The following CACNA2D3 variants were observed in gnomAD, a reference collection of about 807,000 sequenced individuals.
CACNA2D3 encodes the protein voltage-dependent calcium channel subunit alpha-2/delta-3.
CACNA2D3 carries 60 observed loss-of-function variants against 160.6 expected under a neutral mutation model. That is an observed-to-expected ratio of 0.37 (90% confidence interval 0.30 to 0.46). The LOEUF (loss-of-function observed/expected upper bound fraction) is 0.46, where lower values mean the gene tolerates loss of function less well. Ranked by LOEUF, CACNA2D3 falls within the 20% of genes least tolerant of loss-of-function variation. The pLI, the probability that CACNA2D3 is intolerant of heterozygous loss-of-function variation, is 1.00. For synonymous variants in CACNA2D3, 558 were observed against 492.9 expected (o/e 1.13, Z -1.75); for missense variants, 1,205 against 1,365.0 (o/e 0.88, Z 1.85).
intron 6 of CACNA2D3, among the ~76,000 whole-genome samples, chr3:54,565,861 C>A (rs73841660): frequency 0.14 from 20,876 of 152,136 alleles, 1,576 homozygotes; most frequent in South Asian, 0.26. Context: ...GGAACTCTAC[C>A]CTGAAATCCT....
intron 5 of CACNA2D3, among the ~76,000 whole-genome samples, chr3:54,539,773 G>T (rs982414322): frequency 1.3e-4 from 20 of 152,284 alleles, no homozygotes; most frequent in African/African-American, 4.3e-4. Flanking sequence ...CTTGATTAAA[G>T]AAATTTCTGA....
Position 54,492,114 on chromosome 3 carries a change from G to A in CACNA2D3, c.382-11378G>A, listed in dbSNP as rs190715608. On this transcript the variant is annotated intron_variant, in intron 4 of 37. Transcript: ENST00000474759. ...GCCAGAGCTGCTGGATTCTACAGGG[G>A]CAGAGGGCTGGGCTGGAGCAATGGA... Among the ~76,000 whole-genome samples the A allele has an allele frequency of 3.9e-5, 6 of 152,292 alleles. No homozygotes were observed. The East Asian group carries it at 7.7e-4, about 20-fold the overall frequency.
chr3:54,678,149 T>A (rs1489249601), intron 11 of CACNA2D3, among the ~76,000 whole-genome samples: 2 of 152,176 alleles, frequency 1.3e-5, no homozygotes, highest in East Asian at 3.9e-4. Context: ...GGAGGGAATA[T>A]CTAGGCAGTA....
intron 12 of CACNA2D3, among the ~76,000 whole-genome samples, chr3:54,760,050 C>T (rs1331077888): frequency 1.3e-5 from 2 of 152,170 alleles, no homozygotes; most frequent in African/African-American, 4.8e-5. Flanking sequence ...GCATACCTTC[C>T]CTCCCTGTTC....
At chr3:54,124,659 A>G (rs536238837) in intron 2 of CACNA2D3, among the ~76,000 whole-genome samples, 13 of 152,338 alleles carry the variant, frequency 8.5e-5, no homozygotes, top group Admixed American at 8.5e-4. Flanking sequence ...GGGACAGTAT[A>G]TGAAACAGTT....
intron 27 of CACNA2D3, among the ~76,000 whole-genome samples, chr3:54,947,146 T>C (rs1442403716): frequency 6.6e-6 from 1 of 152,154 alleles, no homozygotes; most frequent in Admixed American, 6.6e-5. Flanking sequence ...CTTGATCCAG[T>C]TTTCATCATC....
At chr3:54,285,215 C>A (rs543282426) in intron 2 of CACNA2D3, among the ~76,000 whole-genome samples, 1 of 152,132 alleles carries the variant, frequency 6.6e-6, no homozygotes, top group South Asian at 2.1e-4. Flanking sequence ...CCTGGAAAAT[C>A]GGGTCACTCC....
At chr3:54,325,185 T>C (rs1407382115) in intron 3 of CACNA2D3, among the ~76,000 whole-genome samples, 1 of 152,040 alleles carries the variant, frequency 6.6e-6, no homozygotes, top group Non-Finnish European at 1.5e-5. Flanking sequence ...AAATGTGCAG[T>C]GGGAAGAGAA....
intron 11 of CACNA2D3, among the ~76,000 whole-genome samples, chr3:54,721,283 A>T (rs1701164545): frequency 1.3e-5 from 2 of 152,076 alleles, no homozygotes; most frequent in Non-Finnish European, 2.9e-5. Flanking sequence ...AATTAGAGTG[A>T]CTCATATGGA....
chr3:54,629,277 G>GT (rs1234183294), intron 10 of CACNA2D3, among the ~76,000 whole-genome samples: 1 of 151,906 alleles, frequency 6.6e-6, no homozygotes, highest in Non-Finnish European at 1.5e-5. Context: ...GCCCAGGCAG[G>GT]TGAGTCATTC....
chr3:54,170,612 G>A (rs931128976), intron 2 of CACNA2D3, among the ~76,000 whole-genome samples: 1 of 151,958 alleles, frequency 6.6e-6, no homozygotes, highest in Non-Finnish European at 1.5e-5. Flanking sequence ...CTTCCTCCCT[G>A]ACTACCTCCC....
chr3:54,984,105 G>A (rs1376999810), intron 29 of CACNA2D3, among the ~76,000 whole-genome samples: 2 of 152,184 alleles, frequency 1.3e-5, no homozygotes, highest in Non-Finnish European at 2.9e-5. Flanking sequence ...CCCTGCCTCA[G>A]TCTATGAACA....
intron 2 of CACNA2D3, among the ~76,000 whole-genome samples, chr3:54,218,353 G>A (rs1439771181): frequency 1.3e-5 from 2 of 152,194 alleles, no homozygotes; most frequent in Admixed American, 1.3e-4. Flanking sequence ...CCTGTGGGAT[G>A]TGGGACCAGT....
intron 27 of CACNA2D3, among the ~76,000 whole-genome samples, chr3:54,950,523 A>C (rs946071083): frequency 2.6e-5 from 4 of 152,336 alleles, no homozygotes; most frequent in East Asian, 3.9e-4. Context: ...GTGCAAGAAG[A>C]AGCAGTTTGC....
At chr3:54,302,229 G>A (rs752676463) in intron 2 of CACNA2D3, among the ~76,000 whole-genome samples, 2 of 152,112 alleles carry the variant, frequency 1.3e-5, no homozygotes, top group African/African-American at 4.8e-5. Flanking sequence ...TTTCTCCACC[G>A]GAATAATTCC....
intron 4 of CACNA2D3, among the ~76,000 whole-genome samples, chr3:54,415,839 C>CATAT (rs2106738336): frequency 6.6e-6 from 1 of 152,236 alleles, no homozygotes; most frequent in African/African-American, 2.4e-5. Context: ...ACCAGTAAGC[C>CATAT]ATATTGCCTC....
chr3:54,603,020 AG>A (rs1398179487), intron 9 of CACNA2D3, among the ~76,000 whole-genome samples: 3 of 152,138 alleles, frequency 2.0e-5, no homozygotes, highest in African/African-American at 4.8e-5. Flanking sequence ...CTAAAGCTGG[AG>A]GGTTTTGTGG....
At chr3:54,982,878 T>A (rs568619470) in intron 29 of CACNA2D3, among the ~76,000 whole-genome samples, 1 of 152,096 alleles carries the variant, frequency 6.6e-6, no homozygotes, top group African/African-American at 2.4e-5. Flanking sequence ...TCATCGCCAC[T>A]TTGGTTTTGG....
chr3:54,633,051 G>A (rs1255902652), intron 10 of CACNA2D3, among the ~76,000 whole-genome samples: 3 of 152,186 alleles, frequency 2.0e-5, no homozygotes, highest in African/African-American at 4.8e-5. Flanking sequence ...CCAGGACTAA[G>A]ATGAGGAAAG....
Sources: allele counts gnomAD v4.1 joint callset (sites outside exome capture counted in the v4.1 genomes callset), GRCh38; gene constraint gnomAD v4.1.1; transcripts MANE v1.5; gene names NCBI Gene and HGNC (gene_info 2026-07-23, HGNC 2026-07-21).